The following ADK variants were observed in gnomAD, a reference collection of about 807,000 sequenced individuals.
ADK encodes N6,N6-dimethyladenosine kinase.
In ADK, 24 loss-of-function variants were observed where a neutral mutation model predicts 44.7. The ratio of observed to expected loss-of-function variants is 0.54; its 90% CI spans 0.39 to 0.76. The LOEUF is 0.76. Ranked by LOEUF, ADK falls within the 30% of genes least tolerant of loss-of-function variation. The pLI is 0.00. For synonymous variants in ADK, 128 were observed against 142.6 expected, an observed-to-expected ratio of 0.90 and a Z score of 0.73; for missense variants, 321 against 425.1, an observed-to-expected ratio of 0.76 and a Z score of 2.15.
intron 6 of ADK, among the ~76,000 whole-genome samples, chr10:74,508,680 T>C (rs2133498662): frequency 6.6e-6 from 1 of 152,242 alleles, no homozygotes. Flanking sequence ...TTGGGTCTTA[T>C]CAAATTATCT....
At chr10:74,322,470 A>G (rs1840848228) in intron 4 of ADK, among the ~76,000 whole-genome samples, 1 of 152,190 alleles carries the variant, frequency 6.6e-6, no homozygotes. Context: ...TCAAATTGTG[A>G]TACCTCATTA....
At chr10:74,167,602 G>A (rs1337063095) in intron 1 of ADK, among the ~76,000 whole-genome samples, 1 of 152,188 alleles carries the variant, frequency 6.6e-6, no homozygotes, top group Non-Finnish European at 1.5e-5. Flanking sequence ...TTCTTCAGCT[G>A]GGTAGTTGGA....
intron 6 of ADK, among the ~76,000 whole-genome samples, chr10:74,453,224 A>C (rs1845834599): frequency 1.3e-5 from 2 of 152,086 alleles, no homozygotes. Context: ...AGTCCACCTA[A>C]TGAATGGCTA....
intron 6 of ADK, among the ~76,000 whole-genome samples, chr10:74,458,996 T>C (rs1249672327): frequency 6.6e-6 from 1 of 152,166 alleles, no homozygotes; most frequent in Non-Finnish European, 1.5e-5. Flanking sequence ...AAAAAAAATT[T>C]TGGCCAGGCA....
intron 4 of ADK, among the ~76,000 whole-genome samples, chr10:74,387,287 C>G (rs1420939917): frequency 6.6e-6 from 1 of 152,156 alleles, no homozygotes; most frequent in Non-Finnish European, 1.5e-5. Flanking sequence ...TGGCATTATA[C>G]TGTGCGAAAC....
intron 6 of ADK, among the ~76,000 whole-genome samples, chr10:74,433,401 T>C (rs1275335490): frequency 6.6e-6 from 1 of 152,232 alleles, no homozygotes; most frequent in African/African-American, 2.4e-5. Flanking sequence ...AAGATTCTGC[T>C]GAGGGCTGTA....
At chr10:74,364,687 G>GGTGTGTGTGTGTGT (rs58295310) in intron 4 of ADK, among the ~76,000 whole-genome samples, 7 of 136,462 alleles carry the variant, frequency 5.1e-5, no homozygotes, top group South Asian at 5.1e-4. Context: ...CAAAGGCTAT[G>GGTGTGTGTGTGTGT]GTGTGTGTGT....
chr10:74,648,956 C>T lies in ADK; in HGVS notation c.878-21227C>T, dbSNP rs1490158457. ...CAGTGCTTTGGGAGGCCAAGGCAGG[C>T]GGATTACGACGTCAGGAGATCAAGA... On this transcript the variant is annotated intron_variant, in intron 9 of 10. Transcript: ENST00000539909. Among the ~76,000 whole-genome samples, 5 of 152,050 alleles carry T rather than the reference C, an allele frequency of 3.3e-5. No individual in the cohort carries two copies. The East Asian group carries it at 9.7e-4, about 30-fold the overall frequency.
intron 3 of ADK, among the ~76,000 whole-genome samples, chr10:74,271,803 T>C (rs966204974): frequency 6.6e-6 from 1 of 151,976 alleles, no homozygotes; most frequent in Non-Finnish European, 1.5e-5. Context: ...TTTTTAAGTA[T>C]ATCTTTTTTC....
chr10:74,250,127 C>T (rs1175642507), intron 3 of ADK, among the ~76,000 whole-genome samples: 1 of 152,054 alleles, frequency 6.6e-6, no homozygotes. Context: ...ACAACCTGGC[C>T]CTGAAAAAAA....
chr10:74,586,343 A>G (rs1419179102), intron 7 of ADK, among the ~76,000 whole-genome samples: 1 of 152,178 alleles, frequency 6.6e-6, no homozygotes, highest in Non-Finnish European at 1.5e-5. Flanking sequence ...CAGCTCAGCA[A>G]ACCTGTGTGA....
At chr10:74,217,185 C>T (rs7894697) in intron 2 of ADK, among the ~76,000 whole-genome samples, 28,681 of 152,210 alleles carry the variant, frequency 0.19, 3,397 homozygotes, top group African/African-American at 0.34. Context: ...ACTTTTCCGA[C>T]GGGCTTAAAA....
chr10:74,361,703 TC>T (rs1842341574), intron 4 of ADK, among the ~76,000 whole-genome samples: 1 of 152,258 alleles, frequency 6.6e-6, no homozygotes, highest in Non-Finnish European at 1.5e-5. Flanking sequence ...TAGTGTTTCT[TC>T]CAGTTTGAAG....
chr10:74,685,855 C>CT (rs540364167), intron 10 of ADK, among the ~76,000 whole-genome samples: 10 of 152,058 alleles, frequency 6.6e-5, no homozygotes, highest in Admixed American at 1.3e-4. Context: ...TCAAAAGGAG[C>CT]ATAAACCCAT....
intron 4 of ADK, among the ~76,000 whole-genome samples, chr10:74,347,505 A>G (rs1353043316): frequency 6.6e-6 from 1 of 152,132 alleles, no homozygotes; most frequent in Non-Finnish European, 1.5e-5. Context: ...TTAGGCAGAC[A>G]CTTAGCTAGT....
Position 74,539,815 on chromosome 10 carries a change from A to G in ADK, c.726+14389A>G, listed in dbSNP as rs368434899. 1.2e-4 allele frequency among the ~76,000 whole-genome samples: 18 copies of G among 152,346 alleles called. No individual in the cohort carries two copies. The East Asian group carries it at 3.1e-3, about 26-fold the overall frequency. On this transcript the variant is annotated intron_variant, in intron 7 of 10. Coordinates refer to ENST00000539909, the MANE Select transcript of ADK (RefSeq NM_006721.4). ...CTGTAACTTCGTAAAATTGCTGCTC[A>G]GCTCCTAGATTTAACTTTCTCCCTA... is the stretch of plus-strand genomic sequence containing the variant.
At chr10:74,577,239 G>GT (rs1479041111) in intron 7 of ADK, among the ~76,000 whole-genome samples, 1 of 149,404 alleles carries the variant, frequency 6.7e-6, no homozygotes, top group Admixed American at 6.7e-5. Context: ...GGGTAGTTTT[G>GT]TTTTTTACTT....
intron 7 of ADK, among the ~76,000 whole-genome samples, chr10:74,534,070 A>G (rs918889336): frequency 6.6e-6 from 1 of 152,238 alleles, no homozygotes; most frequent in Non-Finnish European, 1.5e-5. Flanking sequence ...AGAAAGTGCT[A>G]ACAAATTTAT....
intron 6 of ADK, chr10:74,423,555 A>C (rs1564713358): frequency 4.3e-6 from 1 of 233,936 alleles, no homozygotes; most frequent in Non-Finnish European, 8.9e-6. Context: ...CTCGCCGTGT[A>C]AACTTCATTC....
Sources: gnomAD v4.1 joint callset for allele counts (sites outside exome capture counted in the v4.1 genomes callset) on GRCh38, gnomAD v4.1.1 for gene constraint, MANE v1.5 for transcripts, NCBI Gene and HGNC (gene_info 2026-07-23, HGNC 2026-07-21) for gene names.